Variants in LPGAT1 observed in about 807,000 individuals in gnomAD.
LPGAT1 encodes acyl-CoA:lysophosphatidylglycerol acyltransferase 1.
A neutral mutation model predicts 47.5 loss-of-function variants in LPGAT1; 11 were observed. The ratio of observed to expected loss-of-function variants is 0.23; its 90% CI spans 0.15 to 0.38. The LOEUF (loss-of-function observed/expected upper bound fraction) is 0.38. LPGAT1 is among the 10% of genes least tolerant of loss of function. The probability of loss-of-function intolerance (pLI) is 1.00; values close to 1 mark genes in which losing one functional copy is unlikely to be tolerated. For missense variants in LPGAT1, 293 were observed against 439.0 expected (o/e 0.67, Z 2.97); for synonymous variants, 138 against 144.2 (o/e 0.96, Z 0.31).
chr1:211,782,309 G>T (rs987247377), intron 5 of LPGAT1, among the ~76,000 whole-genome samples: 2 of 152,086 alleles, frequency 1.3e-5, no homozygotes, highest in Non-Finnish European at 2.9e-5. Flanking sequence ...TAAATAATCT[G>T]TAATAAACTT....
chr1:211,786,114 T>A (rs929526069), intron 4 of LPGAT1, among the ~76,000 whole-genome samples: 5 of 152,236 alleles, frequency 3.3e-5, no homozygotes, highest in African/African-American at 4.8e-5. Context: ...TCAGTTTATT[T>A]TGTCTTGACC....
intron 5 of LPGAT1, among the ~76,000 whole-genome samples, chr1:211,781,833 A>G (rs1658655754): frequency 6.6e-6 from 1 of 152,206 alleles, no homozygotes; most frequent in African/African-American, 2.4e-5. Flanking sequence ...TCTCCATGCT[A>G]TGGGCACAAA....
At chr1:211,801,505 G>A (rs999382571) in intron 2 of LPGAT1, among the ~76,000 whole-genome samples, 1 of 151,984 alleles carries the variant, frequency 6.6e-6, no homozygotes, top group Non-Finnish European at 1.5e-5. Context: ...GAGCCTAGGA[G>A]TTCAAGATCA....
chr1:211,751,666 A>G (rs1657191587), intron 6 of LPGAT1, among the ~76,000 whole-genome samples: 1 of 152,172 alleles, frequency 6.6e-6, no homozygotes, highest in African/African-American at 2.4e-5. Flanking sequence ...AGTGATACCC[A>G]TGGACTGAGA....
intron 6 of LPGAT1, among the ~76,000 whole-genome samples, chr1:211,762,644 T>C (rs1262131625): frequency 6.6e-6 from 1 of 152,154 alleles, no homozygotes. Context: ...ACAATACCAA[T>C]AGCTACCCAA....
rs746536045 is a variant in LPGAT1 at position 211,783,224 on chromosome 1, C to A, written c.727+5G>T. ...CAAGGTAAAAAATGCTAAAAACCAT[C>A]ATACCTAATTCTTTAGCATCTCCTC... On this transcript the variant is annotated splice_donor_5th_base_variant and intron_variant, in intron 5 of 7. Transcript: ENST00000366997. 1.3e-6 allele frequency: 2 copies of A among 1,599,018 alleles called. No individual in the cohort carries two copies. Among genetic ancestry groups the A allele is most frequent in the Non-Finnish European group, 1.7e-6 (2 of 1,169,248 alleles).
At chr1:211,824,134 A>T (rs1660457975) in intron 2 of LPGAT1, among the ~76,000 whole-genome samples, 1 of 152,100 alleles carries the variant, frequency 6.6e-6, no homozygotes, top group Admixed American at 6.6e-5. Flanking sequence ...GTGGCTCACC[A>T]CGCCTGTAAT....
intron 6 of LPGAT1, among the ~76,000 whole-genome samples, chr1:211,751,801 A>T (rs1657197525): frequency 6.6e-6 from 1 of 152,174 alleles, no homozygotes; most frequent in African/African-American, 2.4e-5. Context: ...ATGGTTTAAA[A>T]AGTCAGCAAA....
chr1:211,798,930 T>C (rs1048600168), intron 2 of LPGAT1, among the ~76,000 whole-genome samples: 5 of 152,070 alleles, frequency 3.3e-5, no homozygotes, highest in African/African-American at 1.2e-4. Context: ...AACAGCTGAC[T>C]ACCTAGAAAA....
rs7549142 is a variant in LPGAT1, at chr1:211,829,965, C to A, written c.-28+608G>T. On this transcript the variant is annotated intron_variant, in intron 1 of 7. Coordinates refer to ENST00000366997, the MANE Select transcript of LPGAT1 (RefSeq NM_014873.3). ...GTTATAATGCGAAAAAGAGGAAGGA[C>A]AGGAGTAGGGGGAAGGGAGCAAAAG... 1.9e-3 allele frequency: 1,855 copies of A among 984,376 alleles called. 29 individuals are homozygous for A. In the African/African-American group the frequency reaches 0.026, roughly 14 times the overall value. The allele number at this position is 984,376 out of a possible 1,614,324, so 61.0% of individuals were successfully genotyped here.
intron 6 of LPGAT1, among the ~76,000 whole-genome samples, chr1:211,763,958 G>A (rs757908156): frequency 6.6e-6 from 1 of 152,114 alleles, no homozygotes; most frequent in Admixed American, 6.5e-5. Context: ...GATCACCTGA[G>A]GTCAGGAGTT....
At chr1:211,763,144 A>G (rs1320259969) in intron 6 of LPGAT1, among the ~76,000 whole-genome samples, 1 of 152,230 alleles carries the variant, frequency 6.6e-6, no homozygotes, top group Non-Finnish European at 1.5e-5. Context: ...TTGGCCTAAA[A>G]AAGTAAGAAG....
chr1:211,784,823 A>C (rs1340059863), intron 4 of LPGAT1, among the ~76,000 whole-genome samples: 4 of 112,546 alleles, frequency 3.6e-5, no homozygotes, highest in Non-Finnish European at 7.0e-5. Context: ...TTTTTTTTTG[A>C]GACAGAGTCT....
chr1:211,821,322 C>T (rs532481701), intron 2 of LPGAT1, among the ~76,000 whole-genome samples: 19 of 152,282 alleles, frequency 1.2e-4, no homozygotes, highest in African/African-American at 4.6e-4. Flanking sequence ...ATAATATCCT[C>T]ATCTTGTTCC....
At chr1:211,770,571 T>C (rs1263364252) in intron 6 of LPGAT1, among the ~76,000 whole-genome samples, 1 of 152,356 alleles carries the variant, frequency 6.6e-6, no homozygotes, top group Non-Finnish European at 1.5e-5. Context: ...TAGATTATAA[T>C]GGAGCTGAAA....
At chr1:211,812,582 G>T (rs1660024845) in intron 2 of LPGAT1, among the ~76,000 whole-genome samples, 1 of 152,238 alleles carries the variant, frequency 6.6e-6, no homozygotes, top group Non-Finnish European at 1.5e-5. Context: ...CAACCCCAAA[G>T]ATATCCATGT....
At chr1:211,786,141 T>C (rs528961638) in intron 4 of LPGAT1, among the ~76,000 whole-genome samples, 3 of 152,192 alleles carry the variant, frequency 2.0e-5, no homozygotes, top group Admixed American at 6.5e-5. Context: ...CCACTCCCCA[T>C]TGCCACTTCT....
At chr1:211,815,296 T>C (rs1660131632) in intron 2 of LPGAT1, among the ~76,000 whole-genome samples, 1 of 152,180 alleles carries the variant, frequency 6.6e-6, no homozygotes, top group Admixed American at 6.5e-5. Flanking sequence ...AACTTCCCCA[T>C]CTACCCAGCA....
At chr1:211,801,523 C>T (rs546899701) in intron 2 of LPGAT1, among the ~76,000 whole-genome samples, 23 of 151,868 alleles carry the variant, frequency 1.5e-4, no homozygotes, top group South Asian at 4.2e-4. Context: ...TCAGCATGGG[C>T]GACAAAGCAA....
Sources: gnomAD v4.1 joint callset for allele counts (sites outside exome capture counted in the v4.1 genomes callset) on GRCh38, gnomAD v4.1.1 for gene constraint, MANE v1.5 for transcripts, NCBI Gene and HGNC (gene_info 2026-07-23, HGNC 2026-07-21) for gene names.